Variants in RTL9 observed in about 807,000 individuals in gnomAD.
RTL9 encodes the protein retrotransposon Gag like 9.
A neutral mutation model predicts 44.7 loss-of-function variants in RTL9; 19 were observed. The ratio of observed to expected loss-of-function variants is 0.42; its 90% CI spans 0.30 to 0.62. RTL9 has a LOEUF of 0.62. Among genes scored for constraint, RTL9 ranks in the 20% least tolerant of loss-of-function variants. The pLI is 0.16. For synonymous variants in RTL9, 407 were observed against 398.9 expected (o/e 1.02, Z -0.24); for missense variants, 1,105 against 1,080.6 (o/e 1.02, Z -0.32).
intron 1 of RTL9, among the ~76,000 whole-genome samples, chrX:110,384,396 GATA>G (rs751621703): frequency 9.0e-6 from 1 of 111,462 alleles, no homozygotes; most frequent in East Asian, 2.8e-4. Flanking sequence ...AAATGAGGAT[GATA>G]ATAAGAGTAC....
chrX:110,384,246 G>A (rs765084635), intron 1 of RTL9, among the ~76,000 whole-genome samples: 1 of 110,616 alleles, frequency 9.0e-6, no homozygotes, highest in African/African-American at 3.3e-5. Context: ...GTTAAGTATG[G>A]GCTCATTAAG....
At chrX:110,378,008 CAAAAAAAA>C (rs755483656) in intron 1 of RTL9, among the ~76,000 whole-genome samples, 1 of 30,961 alleles carries the variant, frequency 3.2e-5, no homozygotes, top group Admixed American at 3.6e-4. Context: ...GACTCCGTCT[CAAAAAAAA>C]AAAAAAAAAA....
intron 1 of RTL9, among the ~76,000 whole-genome samples, chrX:110,394,168 G>A (rs12392782): frequency 0.012 from 1,367 of 112,975 alleles, 10 homozygotes; most frequent in African/African-American, 0.024. Flanking sequence ...CTAAATGTAT[G>A]TGTAGCTCAC....
upstream of RTL9, among the ~76,000 whole-genome samples, chrX:110,450,215 G>A (rs12006849): frequency 0.43 from 46,898 of 110,058 alleles, 8,050 homozygotes; most frequent in African/African-American, 0.57. Context: ...GAGTACTGCC[G>A]TGGGATAGAA....
intron 1 of RTL9, among the ~76,000 whole-genome samples, chrX:110,438,096 C>G (rs747563113): frequency 1.3e-4 from 15 of 111,118 alleles, no homozygotes; most frequent in African/African-American, 3.9e-4. Flanking sequence ...TTTGGCCTTG[C>G]CTGGTTCCTG....
chrX:110,402,771 T>C (rs749463094), intron 1 of RTL9, among the ~76,000 whole-genome samples: 12 of 112,328 alleles, frequency 1.1e-4, no homozygotes, highest in African/African-American at 3.9e-4. Context: ...GCTTTAGTTA[T>C]TTTTTGAGCT....
At chrX:110,397,715 C>T (rs972792878) in intron 1 of RTL9, among the ~76,000 whole-genome samples, 2 of 111,565 alleles carry the variant, frequency 1.8e-5, no homozygotes, top group Non-Finnish European at 3.8e-5. Flanking sequence ...CCAAACCCAT[C>T]AGAGCCTGGG....
chrX:110,405,111 T>G (rs1221358142), intron 1 of RTL9, among the ~76,000 whole-genome samples: 1 of 88,779 alleles, frequency 1.1e-5, no homozygotes, highest in African/African-American at 4.2e-5. Flanking sequence ...CAAGCATGAG[T>G]CAGAGCCTTT....
At chrX:110,377,792 G>A (rs2068387479) in intron 1 of RTL9, among the ~76,000 whole-genome samples, 2 of 109,204 alleles carry the variant, frequency 1.8e-5, no homozygotes, top group Non-Finnish European at 3.8e-5. Context: ...GGCGGATCAC[G>A]AGGTCAGGAG....
At chrX:110,419,113 C>T (rs951838444) in exon 1 of RTL9, 15 of 112,447 alleles carry the variant, frequency 1.3e-4, no homozygotes, top group Non-Finnish European at 2.4e-4. Context: ...TATGGAGCGC[C>T]TACCTTGTGC....
At chrX:110,432,509 G>A (rs1465152561) in intron 1 of RTL9, among the ~76,000 whole-genome samples, 1 of 112,018 alleles carries the variant, frequency 8.9e-6, no homozygotes, top group African/African-American at 3.3e-5. Flanking sequence ...GTGAGGCAGC[G>A]TTGGGGGCCG....
intron 1 of RTL9, among the ~76,000 whole-genome samples, chrX:110,361,020 AC>A (rs1285407293): frequency 1.8e-5 from 2 of 110,856 alleles, no homozygotes; most frequent in African/African-American, 6.6e-5. Flanking sequence ...GTATCTCCAT[AC>A]TTTTATGCCC....
intron 1 of RTL9, among the ~76,000 whole-genome samples, chrX:110,397,404 G>T (rs2148292762): frequency 9.0e-6 from 1 of 110,538 alleles, no homozygotes; most frequent in East Asian, 2.9e-4. Flanking sequence ...TAAGGGAAAA[G>T]GGATTCAGTG....
chrX:110,439,700 G>T (rs1183827607), intron 1 of RTL9, among the ~76,000 whole-genome samples: 1 of 111,307 alleles, frequency 9.0e-6, no homozygotes, highest in Non-Finnish European at 1.9e-5. Flanking sequence ...GGGAAAGAAC[G>T]AACAGGCATT....
intron 1 of RTL9, among the ~76,000 whole-genome samples, chrX:110,406,314 T>C (rs1430140706): frequency 9.3e-6 from 1 of 108,029 alleles, no homozygotes; most frequent in Non-Finnish European, 1.9e-5. Context: ...CTTCCATGTG[T>C]TCTCATTGTT....
chrX:110,392,978 G>A (rs2068505093), intron 1 of RTL9, among the ~76,000 whole-genome samples: 1 of 111,822 alleles, frequency 8.9e-6, no homozygotes, highest in Non-Finnish European at 1.9e-5. Context: ...CAGATGCAAG[G>A]GCCTGGGCTT....
chrX:110,387,278 A>G (rs1327731878), intron 1 of RTL9, among the ~76,000 whole-genome samples: 1 of 112,507 alleles, frequency 8.9e-6, no homozygotes, highest in Non-Finnish European at 1.9e-5. Context: ...TCCAGAGGTT[A>G]CCAATTAACA....
At chrX:110,403,935 C>T (rs181908709) in intron 1 of RTL9, among the ~76,000 whole-genome samples, 90 of 112,188 alleles carry the variant, frequency 8.0e-4, no homozygotes, top group Non-Finnish European at 1.4e-3. Context: ...CTCCCACTGT[C>T]TTATAATGAT....
intron 1 of RTL9, among the ~76,000 whole-genome samples, chrX:110,423,454 GT>G (rs930676923): frequency 2.7e-5 from 3 of 112,178 alleles, no homozygotes; most frequent in African/African-American, 9.7e-5. Context: ...CTCTGCTAGG[GT>G]TAATTGCTCA....
Sources: allele counts gnomAD v4.1 joint callset (sites outside exome capture counted in the v4.1 genomes callset), GRCh38; gene constraint gnomAD v4.1.1; transcripts MANE v1.5; gene names NCBI Gene and HGNC (gene_info 2026-07-23, HGNC 2026-07-21).